The following HDAC9 variants were observed in gnomAD, a reference collection of about 807,000 sequenced individuals.
HDAC9 encodes the protein histone deacetylase 9, also known as MEF-2 interacting transcription repressor (MITR) protein.
A neutral mutation model predicts 139.4 loss-of-function variants in HDAC9; 41 were observed. The ratio of observed to expected loss-of-function variants is 0.29; its 90% CI spans 0.23 to 0.38. The LOEUF is 0.38. HDAC9 is among the 10% of genes least tolerant of loss of function. The pLI, the probability that HDAC9 is intolerant of heterozygous loss-of-function variation, is 1.00. For synonymous variants in HDAC9, 517 were observed against 476.2 expected (o/e 1.09, Z -1.12); for missense variants, 1,147 against 1,297.0 (o/e 0.88, Z 1.78).
rs138665499 is a variant in HDAC9, at chr7:18,881,647, T to C, written c.2803+7051T>C. 3.9e-5 allele frequency among the ~76,000 whole-genome samples: 6 copies of C among 152,270 alleles called. No individual in the cohort carries two copies. The East Asian group carries it at 7.7e-4, about 20-fold the overall frequency. On this transcript the variant is annotated intron_variant, in intron 22 of 25. Transcript: ENST00000686413. ...TTATCAAAATCTATAAAGAACCTAA[T>C]CATATTTACTTAAATGCTTCACTAA... is the stretch of plus-strand genomic sequence containing the variant.
chr7:18,474,670 T>A (rs1261084100), intron 1 of HDAC9, among the ~76,000 whole-genome samples: 3 of 152,202 alleles, frequency 2.0e-5, no homozygotes, highest in African/African-American at 7.2e-5. Flanking sequence ...ATTCATATTC[T>A]ATGGTTTCAG....
chr7:18,777,987 A>G (rs2588597), intron 16 of HDAC9, among the ~76,000 whole-genome samples: 58,148 of 151,710 alleles, frequency 0.38, 13,465 homozygotes, highest in East Asian at 0.66. Flanking sequence ...ATGCAATTGA[A>G]GTTTCCTATT....
At chr7:18,752,225 G>C (rs1788513148) in intron 14 of HDAC9, among the ~76,000 whole-genome samples, 1 of 152,108 alleles carries the variant, frequency 6.6e-6, no homozygotes, top group Non-Finnish European at 1.5e-5. Context: ...ACACCATGGA[G>C]GCAAGTGATC....
intron 2 of HDAC9, chr7:18,517,575 C>T (rs1420325315): frequency 6.6e-6 from 1 of 152,168 alleles, no homozygotes; most frequent in East Asian, 1.9e-4. Context: ...TAATCTATTA[C>T]ACATCATATA....
At chr7:18,667,403 TA>T in intron 12 of HDAC9, 1 of 982,900 alleles carries the variant, frequency 1.0e-6, no homozygotes, top group Non-Finnish European at 1.2e-6. Flanking sequence ...TAGAATCTCT[TA>T]AGTATAATTC....
intron 2 of HDAC9, among the ~76,000 whole-genome samples, chr7:18,272,064 T>C (rs1470336634): frequency 6.6e-6 from 1 of 152,208 alleles, no homozygotes; most frequent in Non-Finnish European, 1.5e-5. Flanking sequence ...AATGTACTGA[T>C]TTGGAAATGT....
intron 2 of HDAC9, among the ~76,000 whole-genome samples, chr7:18,273,718 A>G (rs1796535259): frequency 6.6e-6 from 1 of 152,212 alleles, no homozygotes; most frequent in African/African-American, 2.4e-5. Flanking sequence ...AAAATGATGA[A>G]CATTAAATAT....
At chr7:18,550,472 C>T (rs573271907) in intron 2 of HDAC9, among the ~76,000 whole-genome samples, 1 of 152,110 alleles carries the variant, frequency 6.6e-6, no homozygotes, top group Non-Finnish European at 1.5e-5. Context: ...TGCTGCTCTT[C>T]TAAAGCTTAC....
At chr7:18,459,638 A>G (rs998388177) in intron 1 of HDAC9, among the ~76,000 whole-genome samples, 1 of 152,068 alleles carries the variant, frequency 6.6e-6, no homozygotes, top group Non-Finnish European at 1.5e-5. Flanking sequence ...TTTAATTTTC[A>G]TGGTATTCAA....
chr7:18,970,295 C>G (rs887503468), intron 24 of HDAC9, among the ~76,000 whole-genome samples: 2 of 152,008 alleles, frequency 1.3e-5, no homozygotes, highest in African/African-American at 4.8e-5. Flanking sequence ...GTGTTATTTT[C>G]TAAGGTTCAG....
chr7:18,252,816 A>G (rs1034675911), intron 2 of HDAC9, among the ~76,000 whole-genome samples: 1 of 152,114 alleles, frequency 6.6e-6, no homozygotes, highest in African/African-American at 2.4e-5. Context: ...ACAATCTTAC[A>G]TAGGTAGACT....
intron 1 of HDAC9, among the ~76,000 whole-genome samples, chr7:18,388,363 G>A (rs1041896659): frequency 1.3e-5 from 2 of 152,196 alleles, no homozygotes; most frequent in Non-Finnish European, 2.9e-5. Context: ...GTAGCTTTCA[G>A]AGCCCCCATC....
intron 12 of HDAC9, among the ~76,000 whole-genome samples, chr7:18,697,067 A>G (rs1242711074): frequency 6.6e-6 from 1 of 152,224 alleles, no homozygotes; most frequent in South Asian, 2.1e-4. Context: ...GCAAATTCTT[A>G]GAGTTAAGCT....
At chr7:18,209,826 G>A (rs989790506) in intron 2 of HDAC9, among the ~76,000 whole-genome samples, 1 of 151,858 alleles carries the variant, frequency 6.6e-6, no homozygotes, top group Non-Finnish European at 1.5e-5. Context: ...TCAGCCTTCA[G>A]AGTAGCTGGG....
intron 2 of HDAC9, among the ~76,000 whole-genome samples, chr7:18,283,642 T>C (rs1197001630): frequency 6.6e-6 from 1 of 152,212 alleles, no homozygotes; most frequent in Non-Finnish European, 1.5e-5. Flanking sequence ...AAGGTTTGCA[T>C]TTCATTTTTG....
At chr7:18,933,731 A>G (rs1585345783) in intron 22 of HDAC9, among the ~76,000 whole-genome samples, 1 of 152,312 alleles carries the variant, frequency 6.6e-6, no homozygotes, top group East Asian at 1.9e-4. Flanking sequence ...TTCAAATGTC[A>G]GTTACAGAAT....
chr7:18,324,509 C>T (rs1276240790), intron 1 of HDAC9, among the ~76,000 whole-genome samples: 2 of 152,212 alleles, frequency 1.3e-5, no homozygotes, highest in African/African-American at 2.4e-5. Flanking sequence ...GCATTTCTCT[C>T]AAAGAAAAGT....
intron 1 of HDAC9, among the ~76,000 whole-genome samples, chr7:18,400,639 A>G (rs1452295557): frequency 2.0e-5 from 3 of 152,312 alleles, no homozygotes; most frequent in East Asian, 3.9e-4. Context: ...TGGCACTTAG[A>G]AAAGTTGAGA....
In HDAC9 at chr7:18,297,335, G is replaced by T. The variant is rs1030388987; in HGVS notation, c.-42+6820G>T. ...TCTTTACAATATATGTTATGGTAGG[G>T]GATTATTAGGCTGGCACAAAAGTAA... On this transcript the variant is annotated intron_variant, in intron 1 of 3. Transcript: ENST00000413509. 1.2e-4 allele frequency among the ~76,000 whole-genome samples: 19 copies of T among 152,180 alleles called. 1 individual carries two copies. In the East Asian group the frequency reaches 1.7e-3, roughly 14 times the overall value.
Sources: allele counts gnomAD v4.1 joint callset (sites outside exome capture counted in the v4.1 genomes callset), GRCh38; gene constraint gnomAD v4.1.1; transcripts MANE v1.5; gene names NCBI Gene and HGNC (gene_info 2026-07-23, HGNC 2026-07-21).